NDRG1: variants seen among roughly 807,000 people sequenced by gnomAD.
NDRG1 encodes the protein N-myc downstream regulated 1.
A neutral mutation model predicts 56.9 loss-of-function variants in NDRG1; 32 were observed. That is an observed-to-expected ratio of 0.56 (90% CI 0.42 to 0.76). The LOEUF (loss-of-function observed/expected upper bound fraction) is 0.76, where lower values mean the gene tolerates loss of function less well. Ranked by LOEUF, NDRG1 falls within the 30% of genes least tolerant of loss-of-function variation. The pLI is 0.00. For missense variants in NDRG1, 507 were observed against 545.7 expected (o/e 0.93, Z 0.71); for synonymous variants, 211 against 204.1 (o/e 1.03, Z -0.29).
chr8:133,250,495 T>C lies in NDRG1; in HGVS notation c.643A>G (p.Ile215Val), dbSNP rs1390282778. The C allele has an allele frequency of 7.4e-6, 12 of 1,614,042 alleles. No homozygotes were observed. The highest frequency in any genetic ancestry group is 6.7e-5 in the Admixed American group (4 of 59,994). ...VEVVHTYRQH[I>V]VNDMNPGNLH... Reference sequence around the variant, plus strand: ...TTGCCGGGGTTCATGTCATTCACAATGTGCTGGCGGTAGGTGTGGACCACT... The same window carrying C: ...TTGCCGGGGTTCATGTCATTCACAACGTGCTGGCGGTAGGTGTGGACCACT... The change falls in exon 10 of 16, where the codon ATT becomes GTT. Residue 215 changes from isoleucine (I) to valine (V), a missense_variant. By Grantham distance (29) the Ile-to-Val change is conservative. Coordinates refer to ENST00000323851, the MANE Select transcript of NDRG1 (RefSeq NM_006096.4).
intron 4 of NDRG1, 93 bp from the exon 5 acceptor site, chr8:133,262,260 T>A: frequency 6.7e-7 from 1 of 1,496,676 alleles, no homozygotes; most frequent in Non-Finnish European, 9.2e-7. Flanking sequence ...TTTGTTTCAT[T>A]CCTATTCAGA....
At chr8:133,261,988 A>G in intron 5 of NDRG1, 59 bp downstream of exon 5, 1 of 1,535,258 alleles carries the variant, frequency 6.5e-7, no homozygotes, top group Non-Finnish European at 8.8e-7. Flanking sequence ...AAGCACCTGA[A>G]CCCCTCCCCG....
At chr8:133,283,311 G>T (rs1298702397) in intron 2 of NDRG1, among the ~76,000 whole-genome samples, 1 of 152,222 alleles carries the variant, frequency 6.6e-6, no homozygotes, top group African/African-American at 2.4e-5. Context: ...AAAGCATTTA[G>T]TTGGCTTTAG....
intron 15 of NDRG1, chr8:133,239,901 G>T (rs1855285960): frequency 6.6e-6 from 1 of 152,406 alleles, no homozygotes; most frequent in Admixed American, 6.5e-5. Flanking sequence ...ATCTTGAGAT[G>T]AAATCATCCT....
At chr8:133,291,275 G>GA (rs1238168204) in intron 1 of NDRG1, among the ~76,000 whole-genome samples, 4 of 152,288 alleles carry the variant, frequency 2.6e-5, no homozygotes, top group Middle Eastern at 3.4e-3. Context: ...TAAAAGGAGG[G>GA]AAAAAATCAA....
At chr8:133,254,751 T>G in intron 8 of NDRG1, 156 bp from the exon 9 acceptor site, 1 of 740,064 alleles carries the variant, frequency 1.4e-6, no homozygotes, top group Non-Finnish European at 2.4e-6. Flanking sequence ...ACTCAGTTCC[T>G]GTCTCCAGTT....
At chr8:133,296,665 C>T in intron 1 of NDRG1, 1 of 412,908 alleles carries the variant, frequency 2.4e-6, no homozygotes, top group South Asian at 1.8e-5. Flanking sequence ...TCTACACACT[C>T]GCGCGCAATC....
intron 3 of NDRG1, among the ~76,000 whole-genome samples, chr8:133,269,573 C>T (rs1857089569): frequency 1.3e-5 from 2 of 152,224 alleles, no homozygotes; most frequent in Non-Finnish European, 2.9e-5. Context: ...AGATTAAGGA[C>T]TTCATCCAAG....
intron 9 of NDRG1, among the ~76,000 whole-genome samples, chr8:133,251,197 G>C (rs987340841): frequency 6.6e-6 from 1 of 152,190 alleles, no homozygotes; most frequent in Non-Finnish European, 1.5e-5. Context: ...GGTGCTTTTT[G>C]AATGTTATTT....
chr8:133,293,344 A>G (rs1001748332), intron 1 of NDRG1, among the ~76,000 whole-genome samples: 1 of 152,218 alleles, frequency 6.6e-6, no homozygotes, highest in African/African-American at 2.4e-5. Context: ...GATCCAGGAA[A>G]CAAGCTCCTT....
intron 3 of NDRG1, among the ~76,000 whole-genome samples, chr8:133,274,650 A>G (rs935257005): frequency 2.0e-5 from 3 of 152,234 alleles, no homozygotes; most frequent in African/African-American, 7.2e-5. Flanking sequence ...CATAAGCCCA[A>G]TGAAGTGTTG....
At chr8:133,266,253 C>T (rs538702793) in intron 3 of NDRG1, among the ~76,000 whole-genome samples, 31 of 152,388 alleles carry the variant, frequency 2.0e-4, no homozygotes, top group African/African-American at 6.7e-4. Flanking sequence ...TCAGGCCTCA[C>T]GAGGCCACCT....
At chr8:133,259,135 C>T in intron 6 of NDRG1, 33 bp downstream of exon 6, 1 of 1,598,636 alleles carries the variant, frequency 6.3e-7, no homozygotes, top group East Asian at 2.2e-5. Flanking sequence ...GGCTTCTCTG[C>T]AGACAGAGAA....
intron 12 of NDRG1, 83 bp downstream of exon 12, chr8:133,247,792 G>T: frequency 7.1e-7 from 1 of 1,414,516 alleles, no homozygotes; most frequent in Non-Finnish European, 1.0e-6. Flanking sequence ...AGGAGAGGAG[G>T]GGCAGGCAGG....
At chr8:133,263,448 C>A (rs1309116981) in intron 4 of NDRG1, among the ~76,000 whole-genome samples, 1 of 152,208 alleles carries the variant, frequency 6.6e-6, no homozygotes, top group African/African-American at 2.4e-5. Context: ...GAAGAATTCA[C>A]CTCTATTCCA....
Position 133,237,344 on chromosome 8 carries a change from G to A in NDRG1, c.*1534C>T, listed in dbSNP as rs1046811350. ...AAGGCCTCCAAGGTGATGGGCGGCA[G>A]GTAACGAGTCATTGCCTCTCACGCC... On this transcript the variant is annotated 3_prime_UTR_variant, in exon 16 of 16. Transcript: ENST00000323851. 5.2e-5 allele frequency: 12 copies of A among 232,320 alleles called. No individual in the cohort carries two copies. Among genetic ancestry groups the A allele is most frequent in the African/African-American group, 2.6e-4 (12 of 45,384 alleles). 14.4% of individuals were successfully genotyped at this position (232,320 alleles called of 1,614,324 possible).
At chr8:133,270,354 C>T (rs758099576) in intron 3 of NDRG1, among the ~76,000 whole-genome samples, 3 of 152,206 alleles carry the variant, frequency 2.0e-5, no homozygotes, top group African/African-American at 7.2e-5. Context: ...TGTTGGTTGG[C>T]ATCCCAAACA....
intron 9 of NDRG1, 43 bp from the exon 10 acceptor site, chr8:133,250,586 G>T: frequency 1.3e-6 from 2 of 1,504,936 alleles, no homozygotes; most frequent in East Asian, 2.3e-5. Context: ...TCGCACTGTG[G>T]CCCTGAGCTG....
Position 133,251,414 on chromosome 8 carries a change from T to C in NDRG1, c.595-871A>G, listed in dbSNP as rs910335165. 3.9e-5 allele frequency among the ~76,000 whole-genome samples: 6 copies of C among 152,208 alleles called. No homozygotes were observed. The East Asian group carries it at 1.2e-3, about 29-fold the overall frequency. On this transcript the variant is annotated intron_variant, in intron 9 of 15. Transcript: ENST00000323851. Reference sequence around the variant, plus strand: ...TCAACTGGCTACTAAGAGCAAACTCTGGAAAAAATAGTCAGGAATCACGCT... The same window carrying C: ...TCAACTGGCTACTAAGAGCAAACTCCGGAAAAAATAGTCAGGAATCACGCT...
Sources: gnomAD v4.1 joint callset for allele counts (sites outside exome capture counted in the v4.1 genomes callset) on GRCh38, gnomAD v4.1.1 for gene constraint, MANE v1.5 for transcripts, NCBI Gene and HGNC (gene_info 2026-07-23, HGNC 2026-07-21) for gene names.